DOCK1: variants seen among roughly 807,000 people sequenced by gnomAD.
DOCK1 encodes dedicator of cytokinesis 1.
A neutral mutation model predicts 262.7 loss-of-function variants in DOCK1; 138 were observed. The observed-to-expected ratio is 0.53, with a 90% CI of 0.46 to 0.61. The LOEUF is 0.61. Ranked by LOEUF, DOCK1 falls within the 20% of genes least tolerant of loss-of-function variation. The pLI is 0.00. For synonymous variants in DOCK1, 866 were observed against 867.4 expected, an observed-to-expected ratio of 1.00 and a Z score of 0.03; for missense variants, 1,908 against 2,370.7, an observed-to-expected ratio of 0.80 and a Z score of 4.05.
chr10:127,244,127 C>G (rs1181759367), intron 27 of DOCK1, among the ~76,000 whole-genome samples: 1 of 151,934 alleles, frequency 6.6e-6, no homozygotes, highest in Non-Finnish European at 1.5e-5. Context: ...ATATAGGACC[C>G]CCAGTTCAGC....
intron 23 of DOCK1, among the ~76,000 whole-genome samples, chr10:127,077,295 C>T (rs11016047): frequency 0.011 from 1,599 of 151,768 alleles, 55 homozygotes; most frequent in East Asian, 0.072. Flanking sequence ...CTCAGGAGAC[C>T]GAGGTGGGAG....
intron 27 of DOCK1, among the ~76,000 whole-genome samples, chr10:127,229,746 C>T (rs937422534): frequency 6.6e-6 from 1 of 152,058 alleles, no homozygotes; most frequent in Non-Finnish European, 1.5e-5. Context: ...GGTATATTCT[C>T]AGAAGTGGGA....
intron 21 of DOCK1, among the ~76,000 whole-genome samples, chr10:127,051,487 T>C (rs537447720): frequency 9.5e-4 from 144 of 152,344 alleles, no homozygotes; most frequent in South Asian, 1.9e-3. Context: ...TGAATAAAAG[T>C]GTCTGAGATG....
At position 126,955,881 on chromosome 10, in the gene DOCK1, C is replaced by T. The variant is rs891794666; in HGVS notation, c.47-14821C>T. Among the ~76,000 whole-genome samples, 335 of 152,166 alleles carry T rather than the reference C, an allele frequency of 2.2e-3. 4 individuals carry two copies. The highest frequency in any genetic ancestry group is 6.9e-3 in the African/African-American group (286 of 41,512). On this transcript the variant is annotated intron_variant, in intron 1 of 51. Transcript: ENST00000623213. ...AACTAAGGAAAGATTCGTTTGTGTC[C>T]TCTGGGAACTGACACTGCACACTAG...
At chr10:127,234,350 A>T (rs1257935863) in intron 27 of DOCK1, among the ~76,000 whole-genome samples, 2 of 152,206 alleles carry the variant, frequency 1.3e-5, no homozygotes, top group Admixed American at 1.3e-4. Context: ...CAAAATGTAC[A>T]CATCAAATTC....
intron 1 of DOCK1, among the ~76,000 whole-genome samples, chr10:126,935,085 G>A (rs2034478098): frequency 6.6e-6 from 1 of 152,198 alleles, no homozygotes; most frequent in Non-Finnish European, 1.5e-5. Context: ...TCCAGCCTGG[G>A]TGACAGAGCG....
intron 23 of DOCK1, among the ~76,000 whole-genome samples, chr10:127,082,959 C>T (rs1195462819): frequency 1.3e-5 from 2 of 152,192 alleles, no homozygotes; most frequent in Non-Finnish European, 2.9e-5. Context: ...CTGTTCTCTT[C>T]CTGTCTTCCA....
intron 21 of DOCK1, among the ~76,000 whole-genome samples, chr10:127,050,743 A>C (rs2044670634): frequency 6.6e-6 from 1 of 152,008 alleles, no homozygotes; most frequent in African/African-American, 2.4e-5. Context: ...TTTATCCAAC[A>C]GCAGTGTTAT....
chr10:127,319,359 A>G (rs1214872775), intron 29 of DOCK1, among the ~76,000 whole-genome samples: 1 of 152,266 alleles, frequency 6.6e-6, no homozygotes, highest in Admixed American at 6.5e-5. Flanking sequence ...AGCCAAAATG[A>G]ATCCAATATA....
At chr10:127,077,214 G>C (rs1564785945) in intron 23 of DOCK1, among the ~76,000 whole-genome samples, 1 of 152,030 alleles carries the variant, frequency 6.6e-6, no homozygotes, top group Non-Finnish European at 1.5e-5. Flanking sequence ...GGCCAACATG[G>C]TGAAGCTCCA....
chr10:127,109,777 G>A lies in DOCK1; in HGVS notation c.2517-471G>A, dbSNP rs187665646. Among the ~76,000 whole-genome samples the A allele has an allele frequency of 9.9e-5, 15 of 152,116 alleles. No individual in the cohort carries two copies. In the East Asian group the frequency reaches 2.5e-3, roughly 25 times the overall value. ...ATCCATTCATTAACTGATGGACTTC[G>A]TGTTTTTTTTACTTTTTCAGTATAA... On this transcript the variant is annotated intron_variant, in intron 24 of 51. Transcript: ENST00000623213.
At chr10:126,984,629 A>C (rs890086500) in intron 4 of DOCK1, among the ~76,000 whole-genome samples, 2 of 152,004 alleles carry the variant, frequency 1.3e-5, no homozygotes, top group African/African-American at 4.8e-5. Flanking sequence ...TTGGCCTCCC[A>C]AAGTGCTGGG....
rs1183623516 is a variant in DOCK1, at chr10:127,293,365, C to T, written c.3044+35936C>T. The stretch of plus-strand genomic sequence containing the variant: ...CGACCATGGAGAGAACACAAGTGGG[C>T]TGAGTGTAGCTGCCTCTCCTTACCT... On this transcript the variant is annotated intron_variant, in intron 29 of 51. Coordinates refer to ENST00000623213, the MANE Select transcript of DOCK1 (RefSeq NM_001290223.2). Among the ~76,000 whole-genome samples the T allele has an allele frequency of 3.9e-5, 6 of 152,200 alleles. No individual in the cohort carries two copies. The East Asian group carries it at 1.2e-3, about 29-fold the overall frequency.
intron 47 of DOCK1, among the ~76,000 whole-genome samples, chr10:127,430,050 C>T (rs1014290747): frequency 3.9e-5 from 6 of 152,282 alleles, no homozygotes; most frequent in South Asian, 2.1e-4. Flanking sequence ...AAGATGCCAT[C>T]GTCCCCCTCT....
At chr10:127,400,076 G>A (rs1472993455) in intron 38 of DOCK1, among the ~76,000 whole-genome samples, 2 of 151,956 alleles carry the variant, frequency 1.3e-5, no homozygotes, top group Non-Finnish European at 2.9e-5. Context: ...ACCCTCCCTG[G>A]ACACTGGTCC....
chr10:127,016,928 C>T (rs986202564), intron 12 of DOCK1, among the ~76,000 whole-genome samples: 1 of 144,818 alleles, frequency 6.9e-6, no homozygotes, highest in Middle Eastern at 4.4e-3. Context: ...ACACACCACA[C>T]ACACACACAC....
At chr10:127,111,590 A>G (rs1300240293) in intron 25 of DOCK1, among the ~76,000 whole-genome samples, 2 of 152,136 alleles carry the variant, frequency 1.3e-5, no homozygotes, top group African/African-American at 4.8e-5. Context: ...GGCTTAAGGA[A>G]AGGCTGATGA....
chr10:127,040,461 A>G (rs1389651624), intron 19 of DOCK1, among the ~76,000 whole-genome samples: 2 of 152,006 alleles, frequency 1.3e-5, no homozygotes, highest in African/African-American at 2.4e-5. Context: ...CTCTCTCCCA[A>G]AGGAAACGGA....
intron 23 of DOCK1, among the ~76,000 whole-genome samples, chr10:127,095,661 CTGTG>C (rs61224822): frequency 5.9e-4 from 88 of 148,172 alleles, no homozygotes; most frequent in Non-Finnish European, 8.8e-4. Flanking sequence ...GGCCAGGAAG[CTGTG>C]TGTGTGTGTG....
Sources: allele counts gnomAD v4.1 joint callset (sites outside exome capture counted in the v4.1 genomes callset), GRCh38; gene constraint gnomAD v4.1.1; transcripts MANE v1.5; gene names NCBI Gene and HGNC (gene_info 2026-07-23, HGNC 2026-07-21).